UNC13B: variants seen among roughly 807,000 people sequenced by gnomAD.
The protein encoded by UNC13B is protein unc-13 homolog B.
UNC13B carries 144 observed loss-of-function variants against 211.0 expected under a neutral mutation model. The ratio of observed to expected loss-of-function variants is 0.68; its 90% confidence interval spans 0.60 to 0.78. The LOEUF (loss-of-function observed/expected upper bound fraction) is 0.78, where lower values mean the gene tolerates loss of function less well. UNC13B is among the 30% of genes least tolerant of loss of function. UNC13B has a pLI of 0.00. For synonymous variants in UNC13B, 709 were observed against 725.8 expected (o/e 0.98, Z 0.37); for missense variants, 1,777 against 2,002.0 (o/e 0.89, Z 2.14).
chr9:35,383,138 A>T (rs534837516), intron 21 of UNC13B, among the ~76,000 whole-genome samples: 1 of 152,278 alleles, frequency 6.6e-6, no homozygotes, highest in South Asian at 2.1e-4. Flanking sequence ...ATTTTTAAAA[A>T]TCTTGTTCAG....
At chr9:35,231,656 T>C (rs1161540071) in intron 3 of UNC13B, among the ~76,000 whole-genome samples, 1 of 152,216 alleles carries the variant, frequency 6.6e-6, no homozygotes, top group Admixed American at 6.5e-5. Context: ...TGTACCTCAG[T>C]CATCTGTTTT....
intron 11 of UNC13B, among the ~76,000 whole-genome samples, chr9:35,317,518 C>CT (rs748345363): frequency 0.015 from 1,511 of 97,630 alleles, 34 homozygotes; most frequent in East Asian, 0.052. Flanking sequence ...GCTAAAGAAG[C>CT]TTTTTTTTTT....
chr9:35,290,271 A>G (rs1829028319), intron 7 of UNC13B, among the ~76,000 whole-genome samples: 1 of 152,002 alleles, frequency 6.6e-6, no homozygotes, highest in Non-Finnish European at 1.5e-5. Context: ...GTGGTTTATT[A>G]CATATTGTTT....
chr9:35,399,322 C>T, intron 34 of UNC13B, 38 bp downstream of exon 34: 1 of 1,614,152 alleles, frequency 6.2e-7, no homozygotes, highest in Non-Finnish European at 8.5e-7. Flanking sequence ...TGCTGTCTCC[C>T]TTCCCCTCAC....
chr9:35,249,496 G>A (rs1826326709), intron 6 of UNC13B, among the ~76,000 whole-genome samples: 1 of 152,164 alleles, frequency 6.6e-6, no homozygotes, highest in African/African-American at 2.4e-5. Flanking sequence ...GCTGGTACCG[G>A]TTGTTCCTTT....
chr9:35,357,284 G>A (rs1399343951), intron 11 of UNC13B, among the ~76,000 whole-genome samples: 1 of 152,184 alleles, frequency 6.6e-6, no homozygotes, highest in African/African-American at 2.4e-5. Flanking sequence ...TGGATATGAA[G>A]TGGTGTCTCA....
intron 11 of UNC13B, chr9:35,341,937 C>T (rs1335452232): frequency 4.1e-6 from 4 of 985,464 alleles, no homozygotes; most frequent in Non-Finnish European, 4.8e-6. Flanking sequence ...ATTCCACATC[C>T]AGTTGAAGTT....
At chr9:35,184,034 C>T (rs1302302892) in intron 1 of UNC13B, among the ~76,000 whole-genome samples, 3 of 146,936 alleles carry the variant, frequency 2.0e-5, no homozygotes, top group African/African-American at 5.1e-5. Flanking sequence ...ACTTCCCGGA[C>T]GTGGCGGTCA....
Position 35,304,669 on chromosome 9 carries a change from TTC to T in UNC13B, c.5267_5268del (p.Ser1756CysfsTer8). The T allele has an allele frequency of 2.5e-6, 1 of 398,792 alleles. No homozygotes were observed. The highest frequency in any genetic ancestry group is 4.4e-6 in the Non-Finnish European group (1 of 225,940). 24.7% of individuals were successfully genotyped at this position (398,792 alleles called of 1,614,324 possible). A position where few individuals can be genotyped will look rare whatever the true frequency, so the allele number is the denominator to read the frequency against. On this transcript the variant is annotated frameshift_variant, in exon 9 of 40. Coordinates refer to ENST00000635942, the MANE Select transcript of UNC13B (RefSeq NM_001371189.2). LOFTEE classifies it high-confidence loss of function. ...SLVNKVASVF[S>X]VLGASVGSTL... is the part of the protein sequence containing the mutation. ...TAGTGAACAAAGTGGCTTCAGTATT[TTC>T]TGTTTTGGGTGCCTCAGTTGGTAGT... is the stretch of plus-strand genomic sequence containing the variant.
chr9:35,363,085 TG>T (rs1374610564), intron 11 of UNC13B, among the ~76,000 whole-genome samples: 1 of 152,150 alleles, frequency 6.6e-6, no homozygotes, highest in East Asian at 1.9e-4. Flanking sequence ...GTTTTGAGTA[TG>T]TGACGTCTTT....
chr9:35,227,871 C>A (rs1260388016), intron 1 of UNC13B, 144 bp from the exon 2 acceptor site: 5 of 586,926 alleles, frequency 8.5e-6, no homozygotes, highest in Non-Finnish European at 1.4e-5. Context: ...AAGTTTTGAT[C>A]AGAAGTCTCA....
In UNC13B at chr9:35,270,196, A is replaced by G. The variant is rs897897225; in HGVS notation, c.526+11146A>G. Among the ~76,000 whole-genome samples the G allele has an allele frequency of 9.2e-5, 14 of 152,288 alleles. No homozygotes were observed. The East Asian group carries it at 2.5e-3, about 27-fold the overall frequency. On this transcript the variant is annotated intron_variant, in intron 7 of 39. Coordinates refer to ENST00000635942, the MANE Select transcript of UNC13B (RefSeq NM_001371189.2). The stretch of plus-strand genomic sequence containing the variant: ...CTTGGCACTAGTTTTGCTCGTTGCT[A>G]CAGGAGGGCTCTTGCTTCTTGGCTC...
rs1179366464 is a variant in UNC13B at position 35,247,007 on chromosome 9, T to C, written c.468+3643T>C. ...TGAGCATGGAATGTTCTTCCATTTG[T>C]TTATATCCTTTTTTATTTTGTTGAG... On this transcript the variant is annotated intron_variant, in intron 6 of 39. Coordinates refer to ENST00000635942, the MANE Select transcript of UNC13B (RefSeq NM_001371189.2). Among the ~76,000 whole-genome samples, 4 of 152,318 alleles carry C rather than the reference T, an allele frequency of 2.6e-5. No individual in the cohort carries two copies. In the East Asian group the frequency reaches 5.8e-4, roughly 22 times the overall value.
chr9:35,167,159 C>G (rs911089223), intron 1 of UNC13B, among the ~76,000 whole-genome samples: 16 of 151,312 alleles, frequency 1.1e-4, no homozygotes, highest in African/African-American at 3.6e-4. Context: ...CACTGCAACC[C>G]CTGCCTCCTG....
chr9:35,163,074 A>G (rs1273571137), intron 1 of UNC13B, among the ~76,000 whole-genome samples: 1 of 152,126 alleles, frequency 6.6e-6, no homozygotes, highest in Non-Finnish European at 1.5e-5. Flanking sequence ...CTGGTGTCTG[A>G]CGTAGTAGAA....
At chr9:35,212,810 A>C (rs1216915624) in intron 1 of UNC13B, among the ~76,000 whole-genome samples, 1 of 152,250 alleles carries the variant, frequency 6.6e-6, no homozygotes, top group Admixed American at 6.5e-5. Context: ...TAATGCTTTA[A>C]GAACATGAGA....
chr9:35,395,689 A>C (rs1486541086), intron 26 of UNC13B, among the ~76,000 whole-genome samples: 1 of 152,228 alleles, frequency 6.6e-6, no homozygotes, highest in Non-Finnish European at 1.5e-5. Flanking sequence ...GGGTGTGGCC[A>C]GTGCTCCAGA....
At chr9:35,230,361 C>T (rs1242703579) in intron 2 of UNC13B, among the ~76,000 whole-genome samples, 3 of 148,646 alleles carry the variant, frequency 2.0e-5, no homozygotes, top group African/African-American at 7.5e-5. Flanking sequence ...ATCCCAGCTA[C>T]TTGGGTAGCT....
At chr9:35,346,150 A>G (rs1832343040) in intron 11 of UNC13B, among the ~76,000 whole-genome samples, 1 of 152,146 alleles carries the variant, frequency 6.6e-6, no homozygotes, top group Admixed American at 6.5e-5. Flanking sequence ...CTAGAAATCC[A>G]TTCCTCTTAG....
Sources: allele counts gnomAD v4.1 joint callset (sites outside exome capture counted in the v4.1 genomes callset), GRCh38; gene constraint gnomAD v4.1.1; transcripts MANE v1.5; gene names NCBI Gene and HGNC (gene_info 2026-07-23, HGNC 2026-07-21).